Variants in FRMD4A observed in about 807,000 individuals in gnomAD.
FRMD4A encodes FERM domain-containing protein 4A.
FRMD4A carries 29 observed loss-of-function variants against 129.1 expected under a neutral mutation model. The observed-to-expected ratio is 0.22, with a 90% CI of 0.17 to 0.31. FRMD4A has a LOEUF of 0.31. FRMD4A is among the 10% of genes least tolerant of loss of function. FRMD4A has a pLI of 1.00. For missense variants in FRMD4A, 1,272 were observed against 1,375.8 expected, an observed-to-expected ratio of 0.92 and a Z score of 1.19; for synonymous variants, 634 against 571.6, an observed-to-expected ratio of 1.11 and a Z score of -1.56.
At chr10:14,216,330 A>G (rs191102390) in intron 2 of FRMD4A, among the ~76,000 whole-genome samples, 1 of 152,248 alleles carries the variant, frequency 6.6e-6, no homozygotes, top group African/African-American at 2.4e-5. Flanking sequence ...AATTAACAGG[A>G]ATCACGTTTG....
intron 12 of FRMD4A, among the ~76,000 whole-genome samples, chr10:13,712,513 C>CA (rs1203098503): frequency 0.017 from 2,193 of 130,584 alleles, 31 homozygotes; most frequent in African/African-American, 0.042. Context: ...GACTCCATTT[C>CA]AAAAAAAAAA....
intron 2 of FRMD4A, among the ~76,000 whole-genome samples, chr10:14,180,272 C>T (rs984047388): frequency 2.6e-5 from 4 of 152,106 alleles, no homozygotes; most frequent in Admixed American, 6.5e-5. Context: ...CATATGATGA[C>T]CTGAGATTGA....
In FRMD4A at chr10:13,713,855, ATATAAT is replaced by A. The variant is rs1297968778; in HGVS notation, c.760-6748_760-6743del. On this transcript the variant is annotated intron_variant, in intron 12 of 24. Coordinates refer to ENST00000357447, the MANE Select transcript of FRMD4A (RefSeq NM_018027.5). The stretch of plus-strand genomic sequence containing the variant: ...ATATATGTAATATATATACACATAT[ATATAAT>A]ATATATACATATATGTAATATATAT... Among the ~76,000 whole-genome samples, 6 of 3,358 alleles carry A rather than the reference ATATAAT, an allele frequency of 1.8e-3. 2 individuals are homozygous for A. Among genetic ancestry groups the A allele is most frequent in the Admixed American group, 0.01 (2 of 200 alleles). 2.2% of individuals were successfully genotyped at this position (3,358 alleles called of 152,430 possible). A position where few individuals can be genotyped will look rare whatever the true frequency, so the allele number is the denominator to read the frequency against.
Position 13,749,707 on chromosome 10 carries a change from G to A in FRMD4A, c.465-1888C>T, listed in dbSNP as rs1365687782. On this transcript the variant is annotated intron_variant, in intron 8 of 24. Coordinates refer to ENST00000357447, the MANE Select transcript of FRMD4A (RefSeq NM_018027.5). ...TTTCTGTTGCCCTAAGAAAGAATGA[G>A]GCCAGGCGTGGTGGCTCATGCCTAT... Among the ~76,000 whole-genome samples, 4 of 152,032 alleles carry A rather than the reference G, an allele frequency of 2.6e-5. No individual in the cohort carries two copies. The East Asian group carries it at 5.8e-4, about 22-fold the overall frequency.
rs137896980 is a variant in FRMD4A at position 13,884,142 on chromosome 10, A to ACG, written c.46-25231_46-25230insCG. Among the ~76,000 whole-genome samples, 127 of 29,564 alleles carry ACG rather than the reference A, an allele frequency of 4.3e-3. 1 individual carries two copies. Among genetic ancestry groups the ACG allele is most frequent in the East Asian group, 9.8e-3 (9 of 922 alleles). 19.4% of individuals were successfully genotyped at this position (29,564 alleles called of 152,430 possible). ...CACACTCACACACACGCTCACACAC[A>ACG]CTCTCACACACTCTCACACACACAC... On this transcript the variant is annotated intron_variant, in intron 2 of 24. Coordinates refer to ENST00000357447, the MANE Select transcript of FRMD4A (RefSeq NM_018027.5).
intron 15 of FRMD4A, chr10:13,685,233 T>C (rs2134780814): frequency 1.0e-6 from 1 of 984,818 alleles, no homozygotes; most frequent in Non-Finnish European, 1.2e-6. Flanking sequence ...AGCATTGAAA[T>C]TGAAGCTCTT....
chr10:13,969,964 A>AC (rs1055443038), intron 2 of FRMD4A, among the ~76,000 whole-genome samples: 2 of 152,144 alleles, frequency 1.3e-5, no homozygotes, highest in African/African-American at 4.8e-5. Flanking sequence ...CTAAGTAATT[A>AC]CCCCCACATA....
intron 6 of FRMD4A, among the ~76,000 whole-genome samples, chr10:13,767,261 C>T (rs553670650): frequency 6.6e-6 from 1 of 151,870 alleles, no homozygotes; most frequent in Admixed American, 6.6e-5. Flanking sequence ...TTTTTTGAGA[C>T]AGGATCTCAC....
intron 2 of FRMD4A, among the ~76,000 whole-genome samples, chr10:14,287,035 G>T (rs929320404): frequency 2.0e-5 from 3 of 152,138 alleles, no homozygotes; most frequent in Non-Finnish European, 4.4e-5. Flanking sequence ...CACTGTTAAG[G>T]TCAATCTCTA....
chr10:13,834,034 T>C (rs1441172316), intron 3 of FRMD4A, among the ~76,000 whole-genome samples: 1 of 151,598 alleles, frequency 6.6e-6, no homozygotes, highest in Non-Finnish European at 1.5e-5. Flanking sequence ...ACGGGGGAGG[T>C]GGGTGGATCA....
chr10:14,266,376 G>A (rs1041544302), intron 2 of FRMD4A, among the ~76,000 whole-genome samples: 1 of 152,098 alleles, frequency 6.6e-6, no homozygotes, highest in East Asian at 1.9e-4. Context: ...GTTAGATAAA[G>A]TTTGGGGAGA....
At chr10:14,077,013 G>A (rs958532085) in intron 2 of FRMD4A, among the ~76,000 whole-genome samples, 13 of 152,188 alleles carry the variant, frequency 8.5e-5, no homozygotes, top group African/African-American at 2.9e-4. Context: ...AGAGAAGATA[G>A]CTCTTGGGGG....
chr10:14,305,275 T>C (rs971995028), intron 2 of FRMD4A, among the ~76,000 whole-genome samples: 1 of 152,216 alleles, frequency 6.6e-6, no homozygotes. Flanking sequence ...AAAATACACG[T>C]GTGCCTAAGG....
chr10:13,834,109 T>C (rs1006150796), intron 3 of FRMD4A, among the ~76,000 whole-genome samples: 2 of 151,960 alleles, frequency 1.3e-5, no homozygotes, highest in Non-Finnish European at 1.5e-5. Context: ...ACTAAAAATA[T>C]AAAAATTAGC....
intron 2 of FRMD4A, among the ~76,000 whole-genome samples, chr10:14,275,427 G>T (rs901332041): frequency 3.3e-5 from 5 of 152,204 alleles, no homozygotes; most frequent in Non-Finnish European, 5.9e-5. Flanking sequence ...TAACCAAAAT[G>T]TCCAGACACA....
At chr10:13,761,797 C>T in intron 7 of FRMD4A, 128 bp from the exon 8 acceptor site, 1 of 645,740 alleles carries the variant, frequency 1.5e-6, no homozygotes, top group Non-Finnish European at 2.7e-6. Flanking sequence ...AGTTATCATC[C>T]TATTTGCTGC....
chr10:13,841,560 A>AT (rs2093966103), intron 3 of FRMD4A, among the ~76,000 whole-genome samples: 2 of 152,196 alleles, frequency 1.3e-5, no homozygotes, highest in Non-Finnish European at 2.9e-5. Context: ...TGAAACCCCA[A>AT]TAAAAACTCA....
chr10:14,215,582 G>A (rs1270757576), intron 2 of FRMD4A, among the ~76,000 whole-genome samples: 5 of 152,094 alleles, frequency 3.3e-5, no homozygotes, highest in Non-Finnish European at 5.9e-5. Flanking sequence ...GAAGTGGGGG[G>A]AAAAGCAAAT....
At chr10:14,121,474 G>A (rs1838514264) in intron 2 of FRMD4A, among the ~76,000 whole-genome samples, 1 of 152,192 alleles carries the variant, frequency 6.6e-6, no homozygotes, top group Non-Finnish European at 1.5e-5. Context: ...AAGCCACCAG[G>A]TGATGCTAAT....
Sources: gnomAD v4.1 joint callset for allele counts (sites outside exome capture counted in the v4.1 genomes callset) on GRCh38, gnomAD v4.1.1 for gene constraint, MANE v1.5 for transcripts, NCBI Gene and HGNC (gene_info 2026-07-23, HGNC 2026-07-21) for gene names.